Variants in ACACA observed in about 807,000 individuals in gnomAD.
The protein encoded by ACACA is acetyl-CoA carboxylase alpha, also known as acetyl-CoA carboxylase 1.
A neutral mutation model predicts 296.1 loss-of-function variants in ACACA; 103 were observed. The ratio of observed to expected loss-of-function variants is 0.35; its 90% CI spans 0.30 to 0.41. The LOEUF is 0.41. Ranked by LOEUF, ACACA falls within the 10% of genes least tolerant of loss-of-function variation. The pLI, the probability that ACACA is intolerant of heterozygous loss-of-function variation, is 1.00. For missense variants in ACACA, 1,554 were observed against 2,989.7 expected, an observed-to-expected ratio of 0.52 and a Z score of 11.20; for synonymous variants, 953 against 1,038.6, an observed-to-expected ratio of 0.92 and a Z score of 1.58.
chr17:37,115,657 G>C (rs2074209578), intron 50 of ACACA, among the ~76,000 whole-genome samples: 1 of 151,986 alleles, frequency 6.6e-6, no homozygotes, highest in Admixed American at 6.5e-5. Flanking sequence ...TATTTAAAAT[G>C]TATTTTCATT....
chr17:37,199,410 T>A (rs1421097333), intron 35 of ACACA, among the ~76,000 whole-genome samples: 1 of 152,232 alleles, frequency 6.6e-6, no homozygotes, highest in African/African-American at 2.4e-5. Flanking sequence ...GTCACTGTAC[T>A]GGGTATGATC....
At chr17:37,233,179 G>C (rs1239104903) in intron 25 of ACACA, among the ~76,000 whole-genome samples, 1 of 152,172 alleles carries the variant, frequency 6.6e-6, no homozygotes, top group African/African-American at 2.4e-5. Flanking sequence ...TTACACACTT[G>C]AGTGACTGGA....
intron 39 of ACACA, among the ~76,000 whole-genome samples, chr17:37,185,402 CTTTTTTTTTTTTTTTTT>C (rs67821579): frequency 2.1e-5 from 1 of 48,438 alleles, no homozygotes; most frequent in Non-Finnish European, 3.7e-5. Flanking sequence ...CTGGCTATTT[CTTTTTTTTTTTTTTTTT>C]TTTTTTTTTT....
intron 3 of ACACA, among the ~76,000 whole-genome samples, chr17:37,292,589 C>T (rs895574365): frequency 6.6e-6 from 1 of 152,216 alleles, no homozygotes; most frequent in Non-Finnish European, 1.5e-5. Context: ...GGTGCGGTGG[C>T]TCACATCTGT....
intron 25 of ACACA, among the ~76,000 whole-genome samples, chr17:37,230,996 G>T (rs1201017885): frequency 6.6e-6 from 1 of 152,178 alleles, no homozygotes; most frequent in African/African-American, 2.4e-5. Context: ...GTTATTTCTT[G>T]CTTTTACTTT....
At chr17:37,150,470 A>C (rs1027212400) in intron 44 of ACACA, among the ~76,000 whole-genome samples, 3 of 152,014 alleles carry the variant, frequency 2.0e-5, no homozygotes, top group Non-Finnish European at 2.9e-5. Context: ...TGAACCCAGG[A>C]GGCAGAGGTT....
chr17:37,349,234 T>C (rs902091533), intron 1 of ACACA, among the ~76,000 whole-genome samples: 3 of 150,448 alleles, frequency 2.0e-5, no homozygotes, highest in African/African-American at 7.3e-5. Context: ...CTAATTTTTA[T>C]ATTTTTAGTA....
chr17:37,287,389 A>G (rs1661881572), intron 3 of ACACA, among the ~76,000 whole-genome samples: 1 of 151,982 alleles, frequency 6.6e-6, no homozygotes, highest in Non-Finnish European at 1.5e-5. Flanking sequence ...ACTTCACATG[A>G]CTTAGTGTGG....
At chr17:37,347,785 C>T (rs1415327559) in intron 1 of ACACA, among the ~76,000 whole-genome samples, 1 of 145,616 alleles carries the variant, frequency 6.9e-6, no homozygotes, top group Non-Finnish European at 1.5e-5. Flanking sequence ...AATTTTTTAA[C>T]AAGAAAGAAT....
intron 50 of ACACA, among the ~76,000 whole-genome samples, chr17:37,120,157 T>C (rs915868346): frequency 1.3e-5 from 2 of 152,090 alleles, no homozygotes; most frequent in African/African-American, 4.8e-5. Flanking sequence ...CCTCCCAAAG[T>C]GCTGGGATTA....
chr17:37,224,334 C>T (rs953312095), intron 27 of ACACA, among the ~76,000 whole-genome samples: 3 of 152,104 alleles, frequency 2.0e-5, no homozygotes, highest in Non-Finnish European at 4.4e-5. Context: ...CCTCTAGATT[C>T]CCCAGGAAGA....
chr17:37,298,773 A>G (rs889267275), intron 3 of ACACA, among the ~76,000 whole-genome samples: 8 of 152,236 alleles, frequency 5.3e-5, no homozygotes, highest in African/African-American at 1.9e-4. Flanking sequence ...TTCTAATGGC[A>G]ATAAGAAAGG....
At chr17:37,123,502 C>T (rs2074624382) in intron 48 of ACACA, among the ~76,000 whole-genome samples, 1 of 152,156 alleles carries the variant, frequency 6.6e-6, no homozygotes, top group African/African-American at 2.4e-5. Flanking sequence ...AGTCTTCATT[C>T]TCACTGTTGC....
chr17:37,173,982 TTATATATATATATATATATATATATA>T (rs1173883631), intron 41 of ACACA, among the ~76,000 whole-genome samples: 2 of 19,450 alleles, frequency 1.0e-4, no homozygotes, highest in Non-Finnish European at 2.1e-4. Context: ...CCTGGCTAAT[TTATATATATATATATATATATATATA>T]TATATATATA....
Position 37,086,897 on chromosome 17 carries a change from G to A in ACACA, c.*419C>T, listed in dbSNP as rs1008860250. 4 of 277,652 alleles carry A rather than the reference G, an allele frequency of 1.4e-5. No individual in the cohort carries two copies. The highest frequency in any genetic ancestry group is 8.5e-5 in the South Asian group (2 of 23,440). 17.2% of individuals were successfully genotyped at this position (277,652 alleles called of 1,614,324 possible). A position where few individuals can be genotyped will look rare whatever the true frequency, so the allele number is the denominator to read the frequency against. On this transcript the variant is annotated 3_prime_UTR_variant, in exon 56 of 56. Transcript: ENST00000616317. ...GCCCTCCTCTGCTGCCTGTGGCTGCGGCTCATGGGGCCAGGAGTGAGGGGG... is the reference window on the plus strand; with the variant it reads ...GCCCTCCTCTGCTGCCTGTGGCTGCAGCTCATGGGGCCAGGAGTGAGGGGG...
At chr17:37,366,969 TC>T (rs1203977553) in intron 1 of ACACA, 1 of 151,870 alleles carries the variant, frequency 6.6e-6, no homozygotes, top group African/African-American at 2.4e-5. Flanking sequence ...GCACCTATAA[TC>T]CCAGCTACTC....
chr17:37,263,639 A>C (rs761815090), intron 11 of ACACA, 46 bp downstream of exon 11: 2 of 1,502,820 alleles, frequency 1.3e-6, no homozygotes, highest in Admixed American at 1.7e-5. Context: ...TGAATGAAAA[A>C]TGTTCTATGT....
intron 30 of ACACA, among the ~76,000 whole-genome samples, chr17:37,209,804 G>A (rs931661239): frequency 7.9e-5 from 12 of 152,086 alleles, no homozygotes; most frequent in African/African-American, 2.9e-4. Flanking sequence ...AACTTGCATT[G>A]TGTTGCCTTG....
intron 41 of ACACA, among the ~76,000 whole-genome samples, chr17:37,175,723 T>C (rs2077087928): frequency 6.6e-6 from 1 of 152,228 alleles, no homozygotes; most frequent in Admixed American, 6.5e-5. Context: ...AGTTCACAGA[T>C]TTAGTCTACA....
Sources: allele counts gnomAD v4.1 joint callset (sites outside exome capture counted in the v4.1 genomes callset), GRCh38; gene constraint gnomAD v4.1.1; transcripts MANE v1.5; gene names NCBI Gene and HGNC (gene_info 2026-07-23, HGNC 2026-07-21).